Variants in CNTRL observed in about 807,000 individuals in gnomAD.
CNTRL encodes the protein centriolin, also known as 110 kDa centrosomal protein.
Under a neutral mutation model 303.7 loss-of-function variants are expected in CNTRL, and 233 were observed. The ratio of observed to expected loss-of-function variants is 0.77; its 90% CI spans 0.69 to 0.86. The LOEUF (loss-of-function observed/expected upper bound fraction) is 0.86. Ranked by LOEUF, CNTRL falls within the 40% of genes least tolerant of loss-of-function variation. CNTRL has a pLI of 0.00. For synonymous variants in CNTRL, 900 were observed against 922.2 expected (o/e 0.98, Z 0.44); for missense variants, 2,524 against 2,650.6 (o/e 0.95, Z 1.05).
At position 121,140,668 on chromosome 9, in the gene CNTRL, C is replaced by G. The variant is rs774802596; in HGVS notation, c.2365C>G (p.Leu789Val). The part of the protein sequence containing the change: ...QDDNNLLKQQ[L>V]KDFQNHLNHV... The stretch of plus-strand genomic sequence containing the variant: ...TGACAATAATCTGTTAAAACAGCAA[C>G]TTAAAGATTTCCAGAATCACCTTAA... Residue 789 changes from leucine (L) to valine (V), a missense_variant, in exon 17 of 44, where the codon CTT (leucine) becomes GTT (valine). Transcript: ENST00000373855. The G allele has an allele frequency of 1.2e-6, 2 of 1,612,424 alleles. No homozygotes were observed. The highest frequency in any genetic ancestry group is 2.2e-5 in the South Asian group (2 of 90,920).
At chr9:121,107,719 T>C in intron 7 of CNTRL, 83 bp from the exon 8 acceptor site, 1 of 914,608 alleles carries the variant, frequency 1.1e-6, no homozygotes, top group Non-Finnish European at 1.6e-6. Flanking sequence ...TTAGACTTTT[T>C]TCACTATTGT....
At chr9:121,130,517 CTCTTT>C (rs1187941462) in intron 14 of CNTRL, among the ~76,000 whole-genome samples, 12 of 151,998 alleles carry the variant, frequency 7.9e-5, no homozygotes, top group African/African-American at 2.4e-4. Context: ...TGATTCTACC[CTCTTT>C]TCTTCTTTGT....
At chr9:121,096,169 A>G (rs1232188504) in intron 5 of CNTRL, among the ~76,000 whole-genome samples, 1 of 152,124 alleles carries the variant, frequency 6.6e-6, no homozygotes, top group African/African-American at 2.4e-5. Flanking sequence ...TTTCTTTTCT[A>G]TGTTATGGAG....
chr9:121,176,043 C>T (rs1033270280), intron 43 of CNTRL, among the ~76,000 whole-genome samples: 2 of 152,202 alleles, frequency 1.3e-5, no homozygotes, highest in African/African-American at 2.4e-5. Context: ...ACTCATGGAA[C>T]TGGTAAGTAG....
At position 121,138,657 on chromosome 9, in the gene CNTRL, A is replaced by T; in HGVS notation, c.2315A>T (p.His772Leu). Residue 772 changes from histidine (H) to leucine (L), a missense_variant, in exon 16 of 44, where the codon CAT (histidine) becomes CTT (leucine). By Grantham distance (99) the His-to-Leu change is moderately conservative. Coordinates refer to ENST00000373855, the MANE Select transcript of CNTRL (RefSeq NM_007018.6). ...EEKEQENSEL[H>L]AKLKHLQDDN... ...AAGGAGCAAGAGAACAGTGAGCTCC[A>T]TGCAAAACTTAAACACTTGCAGGTA... 6.2e-7 allele frequency: 1 copy of T among 1,613,892 alleles called. No individual in the cohort carries two copies. Among genetic ancestry groups the T allele is most frequent in the Non-Finnish European group, 8.5e-7 (1 of 1,179,824 alleles).
At chr9:121,158,784 A>G in intron 30 of CNTRL, 71 bp from the exon 31 acceptor site, 1 of 1,408,218 alleles carries the variant, frequency 7.1e-7, no homozygotes, top group Non-Finnish European at 9.8e-7. Context: ...TCACAACTAA[A>G]TTATCTCCAG....
Position 121,135,841 on chromosome 9 carries a change from G to T in CNTRL, c.2061G>T (p.Gln687His). The T allele has an allele frequency of 6.2e-7, 1 of 1,613,872 alleles. No homozygotes were observed. The highest frequency in any genetic ancestry group is 8.5e-7 in the Non-Finnish European group (1 of 1,179,876). ...AGCTAGAAAGTGCCCTCCAAGAGCA[G>T]CATGAGGTGAATGCATCTTTGCAGC... ...LAELESALQE[Q>H]HEVNASLQQT... Residue 687 changes from glutamine (Q) to histidine (H), a missense_variant, in exon 15 of 44, where the codon CAG becomes CAT. Coordinates refer to ENST00000373855, the MANE Select transcript of CNTRL (RefSeq NM_007018.6).
At position 121,145,308 on chromosome 9, in the gene CNTRL, A is replaced by G; in HGVS notation, c.3233A>G (p.Glu1078Gly). Residue 1078 changes from glutamate to glycine, a missense_variant, in exon 22 of 44, where the codon GAG becomes GGG. Glu to Gly is a moderately conservative substitution (Grantham distance 98). Transcript: ENST00000373855. ...GCAAACTCACAGGTCCTAGAAATTG[A>G]GAAACTGAATGAGACAATGGAACGA... ...TGANSQVLEI[E>G]KLNETMERQR... is the part of the protein sequence containing the mutation. 6.2e-7 allele frequency: 1 copy of G among 1,614,142 alleles called. No individual in the cohort carries two copies. The highest frequency in any genetic ancestry group is 1.1e-5 in the South Asian group (1 of 91,082).
chr9:121,085,152 A>C (rs1342661701), intron 2 of CNTRL, among the ~76,000 whole-genome samples: 1 of 152,238 alleles, frequency 6.6e-6, no homozygotes, highest in Non-Finnish European at 1.5e-5. Flanking sequence ...AAAAAGGCAG[A>C]TTTAAAAGAT....
chr9:121,084,050 T>A (rs2048250294), intron 2 of CNTRL, among the ~76,000 whole-genome samples: 1 of 152,232 alleles, frequency 6.6e-6, no homozygotes, highest in Non-Finnish European at 1.5e-5. Context: ...GATTAAAAAC[T>A]ACTTTAACCT....
rs2048704608 is a variant in CNTRL, at chr9:121,092,748, ATAATATATATC to A, written c.349-2137_349-2127del. 2.2e-5 allele frequency among the ~76,000 whole-genome samples: 2 copies of A among 90,072 alleles called. 1 individual carries two copies. The highest frequency in any genetic ancestry group is 4.0e-5 in the Non-Finnish European group (2 of 49,862). The allele number at this position is 90,072 out of a possible 152,430, so 59.1% of individuals were successfully genotyped here. ...ATATATATATAATATATATCTATAT[ATAATATATATC>A]TATATATATTATATATATCTATATA... On this transcript the variant is annotated intron_variant, in intron 4 of 43. Coordinates refer to ENST00000373855, the MANE Select transcript of CNTRL (RefSeq NM_007018.6).
chr9:121,086,270 A>G (rs527265752), intron 2 of CNTRL, among the ~76,000 whole-genome samples: 17 of 152,332 alleles, frequency 1.1e-4, no homozygotes, highest in Middle Eastern at 3.4e-3. Flanking sequence ...TGGAGCATAC[A>G]GTTCAGAATG....
At position 121,165,070 on chromosome 9, in the gene CNTRL, G is replaced by T; in HGVS notation, c.5551G>T (p.Asp1851Tyr). The T allele has an allele frequency of 6.3e-7, 1 of 1,596,952 alleles. No individual in the cohort carries two copies. The highest frequency in any genetic ancestry group is 1.1e-5 in the South Asian group (1 of 88,322). Residue 1851 changes from aspartate (D) to tyrosine (Y), a missense_variant, in exon 35 of 44, where the codon GAC becomes TAC. Coordinates refer to ENST00000373855, the MANE Select transcript of CNTRL (RefSeq NM_007018.6). ...LNRDKLSLHN[D>Y]ISAMQQQLQE... ...CAGAGACAAGTTGTCACTGCATAAC[G>T]ACATTTCAGCAATGCAACAGCAGCT...
intron 15 of CNTRL, among the ~76,000 whole-genome samples, chr9:121,137,486 AT>A (rs952966953): frequency 1.6e-4 from 24 of 152,352 alleles, no homozygotes; most frequent in African/African-American, 5.8e-4. Context: ...TAAATAAGAT[AT>A]TTTGAATCTC....
chr9:121,113,160 A>T (rs530377572), intron 9 of CNTRL, among the ~76,000 whole-genome samples: 7 of 152,300 alleles, frequency 4.6e-5, no homozygotes, highest in African/African-American at 1.7e-4. Flanking sequence ...TATTTATATG[A>T]GCCAAGAAAC....
Position 121,112,342 on chromosome 9 carries a change from C to T in CNTRL, c.1003-117C>T, listed in dbSNP as rs2049783456. On this transcript the variant is annotated intron_variant, in intron 8 of 43. Transcript: ENST00000373855. The stretch of plus-strand genomic sequence containing the variant: ...AATGTTCTGAGTGTTGTGCAGCTTA[C>T]TGTGAAGTTTTTAAACATATATGAT... 7 of 713,702 alleles carry T rather than the reference C, an allele frequency of 9.8e-6. No homozygotes were observed. In the South Asian group the frequency reaches 1.7e-4, roughly 17 times the overall value. The allele number at this position is 713,702 out of a possible 1,614,324, so 44.2% of individuals were successfully genotyped here. A position where few individuals can be genotyped will look rare whatever the true frequency, so the allele number is the denominator to read the frequency against.
chr9:121,123,799 A>G (rs371485878), intron 12 of CNTRL, 132 bp from the exon 13 acceptor site: 3 of 626,510 alleles, frequency 4.8e-6, no homozygotes, highest in Non-Finnish European at 7.4e-6. Flanking sequence ...AAAACAATAT[A>G]GGGCCTGACA....
At position 121,161,903 on chromosome 9, in the gene CNTRL, C is replaced by T; in HGVS notation, c.5137C>T (p.Gln1713Ter). Reference protein sequence around the residue: ...DMLQLENHELQGLKLQHDQRV... With the variant: ...DMLQLENHEL ...GTTGCAACTTGAAAACCATGAGCTA[C>T]AAGGTTTGAAGCTACAACATGACCA... Residue 1713 changes from glutamine (Q) to a stop codon, truncating the protein, a stop_gained, in exon 33 of 44, where the codon CAA becomes TAA. Transcript: ENST00000373855. LOFTEE classifies it high-confidence loss of function. The T allele has an allele frequency of 1.1e-5, 17 of 1,614,092 alleles. No individual in the cohort carries two copies. The highest frequency in any genetic ancestry group is 1.4e-5 in the Non-Finnish European group (17 of 1,180,010).
rs762681470 is a variant in CNTRL, at chr9:121,162,220, A to T, written c.5372A>T (p.Asp1791Val). ...GAGTGTTTGAGCAAAGAAAAGGAAG[A>T]TCTCCAAGAGAAATGTGACATTTGG... is the stretch of plus-strand genomic sequence containing the variant. ...CVECLSKEKEDLQEKCDIWEK... is the reference protein window; with the variant it reads ...CVECLSKEKEVLQEKCDIWEK... Residue 1791 changes from aspartate (D) to valine (V), a missense_variant, in exon 34 of 44, where the codon GAT becomes GTT. Physicochemically the swap from Asp to Val is radical, Grantham distance 152 (BLOSUM62 -3). Transcript: ENST00000373855. 1 of 1,614,172 alleles carries T rather than the reference A, an allele frequency of 6.2e-7. No homozygotes were observed. The highest frequency in any genetic ancestry group is 2.2e-5 in the East Asian group (1 of 44,876).
Sources: gnomAD v4.1 joint callset for allele counts (sites outside exome capture counted in the v4.1 genomes callset) on GRCh38, gnomAD v4.1.1 for gene constraint, MANE v1.5 for transcripts, NCBI Gene and HGNC (gene_info 2026-07-23, HGNC 2026-07-21) for gene names.